The following CRIM1 variants were observed in gnomAD, a reference collection of about 807,000 sequenced individuals.
CRIM1 encodes the protein cysteine-rich motor neuron 1 protein.
A neutral mutation model predicts 116.4 loss-of-function variants in CRIM1; 32 were observed. The observed-to-expected ratio is 0.27, with a 90% CI of 0.21 to 0.37. CRIM1 has a LOEUF of 0.37. CRIM1 is among the 10% of genes least tolerant of loss of function. CRIM1 has a pLI of 1.00. For missense variants in CRIM1, 1,331 were observed against 1,354.8 expected (o/e 0.98, Z 0.28); for synonymous variants, 590 against 509.2 (o/e 1.16, Z -2.13).
At chr2:36,437,103 C>T (rs369299313) in intron 2 of CRIM1, among the ~76,000 whole-genome samples, 37 of 152,174 alleles carry the variant, frequency 2.4e-4, no homozygotes, top group South Asian at 2.1e-4. Flanking sequence ...AGGCTGGGCA[C>T]GGTGGCGCAC....
intron 13 of CRIM1, among the ~76,000 whole-genome samples, chr2:36,533,996 A>AG (rs1435480451): frequency 7.2e-6 from 1 of 138,880 alleles, no homozygotes; most frequent in Non-Finnish European, 1.6e-5. Context: ...GGGGGAAGGA[A>AG]GGAAGGAAGG....
intron 1 of CRIM1, chr2:36,378,213 A>G (rs1670465668): frequency 6.8e-6 from 3 of 438,382 alleles, no homozygotes; most frequent in Non-Finnish European, 1.4e-5. Flanking sequence ...TGTAAGTCGC[A>G]GGTGTTCAGT....
intron 7 of CRIM1, 33 bp downstream of exon 7, chr2:36,479,727 G>C (rs747229314): frequency 6.3e-7 from 1 of 1,592,406 alleles, no homozygotes; most frequent in Non-Finnish European, 8.6e-7. Context: ...AGTCCCTGGT[G>C]AATGTCTTCT....
At chr2:36,547,208 A>C in intron 16 of CRIM1, 37 bp downstream of exon 16, 1 of 1,537,804 alleles carries the variant, frequency 6.5e-7, no homozygotes, top group Non-Finnish European at 8.9e-7. Context: ...TGAATGATGA[A>C]TCTAGGAAAA....
intron 1 of CRIM1, among the ~76,000 whole-genome samples, chr2:36,369,941 C>T (rs191505259): frequency 2.8e-4 from 43 of 152,252 alleles, no homozygotes; most frequent in African/African-American, 8.9e-4. Flanking sequence ...CAAAGAATAC[C>T]GTGCATTGTA....
At chr2:36,465,449 G>C (rs1399781923) in intron 5 of CRIM1, among the ~76,000 whole-genome samples, 1 of 152,212 alleles carries the variant, frequency 6.6e-6, no homozygotes, top group African/African-American at 2.4e-5. Flanking sequence ...TACACAGGAA[G>C]ATGGAGATGG....
intron 1 of CRIM1, among the ~76,000 whole-genome samples, chr2:36,357,184 A>C (rs10176691): frequency 0.21 from 32,679 of 152,070 alleles, 4,366 homozygotes; most frequent in East Asian, 0.59. Flanking sequence ...CAGATAAATC[A>C]GTTTCAGCCG....
intron 7 of CRIM1, among the ~76,000 whole-genome samples, chr2:36,489,741 T>A (rs1234604234): frequency 6.6e-6 from 1 of 152,214 alleles, no homozygotes; most frequent in African/African-American, 2.4e-5. Flanking sequence ...TAAAAAGTAG[T>A]ATAAATGATT....
intron 4 of CRIM1, among the ~76,000 whole-genome samples, chr2:36,448,922 A>T (rs566709439): frequency 6.6e-6 from 1 of 152,120 alleles, no homozygotes; most frequent in South Asian, 2.1e-4. Flanking sequence ...CAAGGGCCTG[A>T]TACTCTTCCA....
At chr2:36,393,382 G>A (rs145828357) in intron 1 of CRIM1, among the ~76,000 whole-genome samples, 35 of 152,018 alleles carry the variant, frequency 2.3e-4, no homozygotes, top group African/African-American at 8.4e-4. Context: ...GTATATATGT[G>A]TGTGTATATA....
At chr2:36,471,726 A>AAC (rs59120248) in intron 5 of CRIM1, among the ~76,000 whole-genome samples, 22,798 of 78,766 alleles carry the variant, frequency 0.29, 2,013 homozygotes, top group East Asian at 0.45. Context: ...GATTAGCTTA[A>AAC]ACACACACAC....
intron 4 of CRIM1, among the ~76,000 whole-genome samples, chr2:36,459,041 A>G (rs74384621): frequency 0.034 from 5,103 of 152,210 alleles, 297 homozygotes; most frequent in African/African-American, 0.12. Context: ...ACTAGTAATC[A>G]TTGTTCTCAT....
In CRIM1 at chr2:36,534,305, A is replaced by C. The variant is rs1476765448; in HGVS notation, c.2429-3047A>C. 5.6e-5 allele frequency among the ~76,000 whole-genome samples: 6 copies of C among 107,458 alleles called. 1 individual carries two copies. The highest frequency in any genetic ancestry group is 2.1e-4 in the African/African-American group (6 of 27,954). 70.5% of individuals were successfully genotyped at this position (107,458 alleles called of 152,430 possible). On this transcript the variant is annotated intron_variant, in intron 13 of 16. Transcript: ENST00000280527. Reference sequence around the variant, plus strand: ...AGGAAGGAGGGATGAGAAAGGAAGGAGGGAGGGGGAAGGAAAGAAGGAGAA... The same window carrying C: ...AGGAAGGAGGGATGAGAAAGGAAGGCGGGAGGGGGAAGGAAAGAAGGAGAA...
intron 8 of CRIM1, among the ~76,000 whole-genome samples, chr2:36,499,759 C>T (rs150150040): frequency 7.3e-4 from 111 of 152,292 alleles, no homozygotes; most frequent in African/African-American, 2.5e-3. Context: ...GCTTTGCCTC[C>T]ATGCAGATTC....
chr2:36,534,200 GAAA>G (rs1666327511), intron 13 of CRIM1, among the ~76,000 whole-genome samples: 1 of 122,198 alleles, frequency 8.2e-6, no homozygotes, highest in Non-Finnish European at 1.7e-5. Context: ...GAAGGAGGGA[GAAA>G]AGGATGGGAA....
intron 10 of CRIM1, among the ~76,000 whole-genome samples, chr2:36,512,970 C>T (rs1005696299): frequency 6.6e-6 from 1 of 152,206 alleles, no homozygotes; most frequent in South Asian, 2.1e-4. Flanking sequence ...TGCCTTTACC[C>T]CAGCTCCAGC....
At chr2:36,445,540 C>A (rs1468452743) in intron 4 of CRIM1, among the ~76,000 whole-genome samples, 1 of 152,196 alleles carries the variant, frequency 6.6e-6, no homozygotes. Context: ...TTGTCGAATG[C>A]GTGAAGTCTT....
intron 4 of CRIM1, among the ~76,000 whole-genome samples, chr2:36,458,154 G>C (rs1677292420): frequency 6.6e-6 from 1 of 152,204 alleles, no homozygotes; most frequent in Non-Finnish European, 1.5e-5. Context: ...GATACGGGCA[G>C]AGGAAGATCA....
chr2:36,430,292 G>T (rs1477707100), intron 2 of CRIM1, among the ~76,000 whole-genome samples: 1 of 152,068 alleles, frequency 6.6e-6, no homozygotes, highest in African/African-American at 2.4e-5. Context: ...CTATGAAGGG[G>T]GGAAAAAGTA....
Sources: gnomAD v4.1 joint callset for allele counts (sites outside exome capture counted in the v4.1 genomes callset) on GRCh38, gnomAD v4.1.1 for gene constraint, MANE v1.5 for transcripts, NCBI Gene and HGNC (gene_info 2026-07-23, HGNC 2026-07-21) for gene names.